LRRTM3: variants seen among roughly 807,000 people sequenced by gnomAD.
The protein encoded by LRRTM3 is leucine rich repeat transmembrane neuronal 3.
In LRRTM3, 24 loss-of-function variants were observed where a neutral mutation model predicts 44.7. The ratio of observed to expected loss-of-function variants is 0.54; its 90% CI spans 0.39 to 0.76. LRRTM3 has a LOEUF of 0.76. Ranked by LOEUF, LRRTM3 falls within the 30% of genes least tolerant of loss-of-function variation. The pLI is 0.00. For synonymous variants in LRRTM3, 277 were observed against 278.7 expected (o/e 0.99, Z 0.06); for missense variants, 587 against 702.2 (o/e 0.84, Z 1.85).
intron 2 of LRRTM3, among the ~76,000 whole-genome samples, chr10:66,980,299 C>A (rs1271195760): frequency 6.6e-6 from 1 of 152,106 alleles, no homozygotes; most frequent in Non-Finnish European, 1.5e-5. Flanking sequence ...CACAAGTCAA[C>A]AAAGATAATT....
intron 2 of LRRTM3, among the ~76,000 whole-genome samples, chr10:67,011,210 A>G (rs1225586452): frequency 2.0e-5 from 3 of 151,888 alleles, no homozygotes; most frequent in Non-Finnish European, 2.9e-5. Context: ...GTGTGGTGGT[A>G]TGTGACTGTA....
intron 2 of LRRTM3, among the ~76,000 whole-genome samples, chr10:67,022,899 T>C (rs2133079666): frequency 6.6e-6 from 1 of 152,062 alleles, no homozygotes; most frequent in South Asian, 2.1e-4. Flanking sequence ...GATCATGCCA[T>C]TGCACTCCAG....
intron 2 of LRRTM3, among the ~76,000 whole-genome samples, chr10:67,076,644 T>C (rs1399525938): frequency 1.3e-5 from 2 of 152,098 alleles, no homozygotes; most frequent in Admixed American, 1.3e-4. Flanking sequence ...AAACCAAAGA[T>C]AAATAAGGCA....
In LRRTM3 at chr10:66,964,085, C is replaced by T. The variant is rs532195817; in HGVS notation, c.1536+35633C>T. ...CAGGATGGTCTCGATCTTCTGACCTCGTGATCTGCCTGCCTCAGCCTCCCA... is the reference window on the plus strand; with the variant it reads ...CAGGATGGTCTCGATCTTCTGACCTTGTGATCTGCCTGCCTCAGCCTCCCA... On this transcript the variant is annotated intron_variant, in intron 2 of 2. Coordinates refer to ENST00000361320, the MANE Select transcript of LRRTM3 (RefSeq NM_178011.5). Among the ~76,000 whole-genome samples, 102 of 151,958 alleles carry T rather than the reference C, an allele frequency of 6.7e-4. 1 individual carries two copies. The highest frequency in any genetic ancestry group is 2.0e-3 in the African/African-American group (83 of 41,454).
rs60622354 is a variant in LRRTM3, at chr10:67,013,208, C to G, written c.1537-84379C>G. On this transcript the variant is annotated intron_variant, in intron 2 of 2. Transcript: ENST00000361320. ...GAACCTGACTCAAATTCAGATCTGT[C>G]AAATGCATCTGGTGTCTGTCCTTAA... Among the ~76,000 whole-genome samples, 225 of 151,584 alleles carry G rather than the reference C, an allele frequency of 1.5e-3. 1 individual carries two copies. Among genetic ancestry groups the G allele is most frequent in the African/African-American group, 5.2e-3 (213 of 40,954 alleles).
intron 2 of LRRTM3, among the ~76,000 whole-genome samples, chr10:66,952,148 A>G (rs1268332316): frequency 1.3e-5 from 2 of 152,198 alleles, no homozygotes; most frequent in East Asian, 3.8e-4. Flanking sequence ...AATCACGTCA[A>G]CCACCACTGG....
rs16923813 is a variant in LRRTM3 at position 66,942,041 on chromosome 10, C to A, written c.1536+13589C>A. On this transcript the variant is annotated intron_variant, in intron 2 of 2. Coordinates refer to ENST00000361320, the MANE Select transcript of LRRTM3 (RefSeq NM_178011.5). Reference sequence around the variant, plus strand: ...GGTGCAGTTTTGGTTAGCCTGGTAGCACGGCATGGTATCAGTTTCCTCATC... The same window carrying A: ...GGTGCAGTTTTGGTTAGCCTGGTAGAACGGCATGGTATCAGTTTCCTCATC... Among the ~76,000 whole-genome samples the A allele has an allele frequency of 0.02, 3,055 of 152,218 alleles. 210 individuals carry two copies. In the East Asian group the frequency reaches 0.25, roughly 13 times the overall value.
chr10:66,977,286 A>G (rs949749180), intron 2 of LRRTM3, among the ~76,000 whole-genome samples: 1 of 152,148 alleles, frequency 6.6e-6, no homozygotes, highest in African/African-American at 2.4e-5. Flanking sequence ...AAAACAAAAA[A>G]TTAGCTGGGT....
At chr10:67,026,001 C>T (rs573187877) in intron 2 of LRRTM3, among the ~76,000 whole-genome samples, 17 of 149,960 alleles carry the variant, frequency 1.1e-4, no homozygotes, top group South Asian at 4.2e-4. Context: ...AGTAAACTAT[C>T]GCAAGGACAA....
At chr10:67,085,785 C>A (rs373047805) in intron 2 of LRRTM3, among the ~76,000 whole-genome samples, 1 of 151,960 alleles carries the variant, frequency 6.6e-6, no homozygotes, top group African/African-American at 2.4e-5. Context: ...TTTACTAATA[C>A]GCAAGCCTGC....
Position 66,950,912 on chromosome 10 carries a change from T to C in LRRTM3, c.1536+22460T>C, listed in dbSNP as rs1408589883. On this transcript the variant is annotated intron_variant, in intron 2 of 2. Coordinates refer to ENST00000361320, the MANE Select transcript of LRRTM3 (RefSeq NM_178011.5). ...TGAGGTGTAATCACATGAGACAGAA[T>C]TTGAATTCTGATCTGTCGGATTCAG... 1.1e-4 allele frequency among the ~76,000 whole-genome samples: 16 copies of C among 152,258 alleles called. No homozygotes were observed. The East Asian group carries it at 2.9e-3, about 28-fold the overall frequency.
chr10:67,007,500 C>T, intron 2 of LRRTM3, among the ~76,000 whole-genome samples: 1 of 151,698 alleles, frequency 6.6e-6, no homozygotes, highest in Non-Finnish European at 1.5e-5. Context: ...AGGACTTTCA[C>T]ACTGTAGGCA....
chr10:66,956,630 C>G (rs1848806499), intron 2 of LRRTM3, among the ~76,000 whole-genome samples: 1 of 152,198 alleles, frequency 6.6e-6, no homozygotes, highest in African/African-American at 2.4e-5. Context: ...GCTGTCATTT[C>G]AGAGTGAAAT....
chr10:67,090,578 A>C (rs1327811285), intron 2 of LRRTM3, among the ~76,000 whole-genome samples: 2 of 152,132 alleles, frequency 1.3e-5, no homozygotes, highest in Non-Finnish European at 2.9e-5. Flanking sequence ...GATTTTATAC[A>C]AATTATTTAA....
intron 2 of LRRTM3, among the ~76,000 whole-genome samples, chr10:66,989,825 T>A (rs922253485): frequency 6.6e-6 from 1 of 152,148 alleles, no homozygotes; most frequent in African/African-American, 2.4e-5. Context: ...CTTGAGTGCT[T>A]TTATTATCCA....
At chr10:67,043,967 G>A (rs1469960946) in intron 2 of LRRTM3, among the ~76,000 whole-genome samples, 1 of 136,176 alleles carries the variant, frequency 7.3e-6, no homozygotes, top group African/African-American at 2.6e-5. Flanking sequence ...TTTAGATTCA[G>A]GGGGTACATG....
chr10:67,041,190 C>G (rs1367758157), intron 2 of LRRTM3, among the ~76,000 whole-genome samples: 1 of 152,092 alleles, frequency 6.6e-6, no homozygotes, highest in East Asian at 1.9e-4. Context: ...GCAAATAGTA[C>G]TGAAGAAAAT....
At chr10:66,965,616 A>G (rs1849373433) in intron 2 of LRRTM3, among the ~76,000 whole-genome samples, 1 of 151,228 alleles carries the variant, frequency 6.6e-6, no homozygotes. Flanking sequence ...CAGGAGGGCA[A>G]GACAGTTCCC....
At chr10:66,943,024 G>A (rs1848092264) in intron 2 of LRRTM3, among the ~76,000 whole-genome samples, 1 of 152,140 alleles carries the variant, frequency 6.6e-6, no homozygotes, top group South Asian at 2.1e-4. Context: ...CAGGGCAAGG[G>A]ATATCAGAAA....
Sources: allele counts gnomAD v4.1 joint callset (sites outside exome capture counted in the v4.1 genomes callset), GRCh38; gene constraint gnomAD v4.1.1; transcripts MANE v1.5; gene names NCBI Gene and HGNC (gene_info 2026-07-23, HGNC 2026-07-21).